The following PPP2R3A variants were observed in gnomAD, a reference collection of about 807,000 sequenced individuals.
PPP2R3A encodes protein phosphatase 2 regulatory subunit B''alpha.
Under a neutral mutation model 106.9 loss-of-function variants are expected in PPP2R3A, and 80 were observed. The ratio of observed to expected loss-of-function variants is 0.75; its 90% CI spans 0.62 to 0.90. The LOEUF is 0.90. Among genes scored for constraint, PPP2R3A ranks in the 40% least tolerant of loss-of-function variants. The pLI is 0.00. For synonymous variants in PPP2R3A, 483 were observed against 468.3 expected (o/e 1.03, Z -0.41); for missense variants, 1,386 against 1,350.4 (o/e 1.03, Z -0.41).
intron 7 of PPP2R3A, among the ~76,000 whole-genome samples, chr3:136,081,138 G>A (rs985295695): frequency 3.3e-5 from 5 of 151,444 alleles, no homozygotes; most frequent in Admixed American, 1.3e-4. Context: ...GATTACAGGC[G>A]CCTGCCACCA....
At chr3:136,043,202 G>T (rs137915731) in intron 4 of PPP2R3A, among the ~76,000 whole-genome samples, 3,551 of 152,152 alleles carry the variant, frequency 0.023, 155 homozygotes, top group African/African-American at 0.079. Context: ...GCTCACGCCT[G>T]TAATCCCAGC....
intron 13 of PPP2R3A, among the ~76,000 whole-genome samples, chr3:136,111,259 A>G (rs1471432494): frequency 6.6e-6 from 1 of 152,198 alleles, no homozygotes; most frequent in Non-Finnish European, 1.5e-5. Context: ...TATGGTTCTT[A>G]TTTGTATAAG....
At chr3:136,055,910 C>G in intron 5 of PPP2R3A, 2 of 381,258 alleles carry the variant, frequency 5.2e-6, no homozygotes, top group Non-Finnish European at 9.4e-6. Flanking sequence ...GTAGGCTATG[C>G]ATAGTGATTT....
intron 6 of PPP2R3A, among the ~76,000 whole-genome samples, chr3:136,077,660 C>T (rs1033971241): frequency 1.3e-5 from 2 of 152,152 alleles, no homozygotes; most frequent in Admixed American, 1.3e-4. Flanking sequence ...TCCAGGATTG[C>T]AGCTTCCATC....
At chr3:136,089,434 G>T (rs900090500) in intron 9 of PPP2R3A, among the ~76,000 whole-genome samples, 3 of 151,896 alleles carry the variant, frequency 2.0e-5, no homozygotes. Context: ...CTGCTCCATT[G>T]GTCTGTGTGT....
At chr3:136,006,620 G>A (rs189291584) in intron 2 of PPP2R3A, among the ~76,000 whole-genome samples, 23 of 152,274 alleles carry the variant, frequency 1.5e-4, no homozygotes, top group Admixed American at 4.6e-4. Context: ...ATGGACTGAA[G>A]TTTGTCAACC....
Position 136,001,813 on chromosome 3 carries a change from T to G in PPP2R3A, c.315T>G (p.Asn105Lys). Residue 105 changes from asparagine to lysine, a missense_variant, in exon 2 of 14, where the codon AAT (asparagine) becomes AAG (lysine). Physicochemically the swap from Asn to Lys is moderately conservative, Grantham distance 94. Coordinates refer to ENST00000264977, the MANE Select transcript of PPP2R3A (RefSeq NM_002718.5). ...PRVKRGSTFQ[N>K]TYNLKDIAGE... ...TCAAGAGAGGATCTACATTTCAGAA[T>G]ACCTACAACTTAAAGGATATTGCAG... 1.2e-6 allele frequency: 2 copies of G among 1,614,166 alleles called. No homozygotes were observed. Among genetic ancestry groups the G allele is most frequent in the Non-Finnish European group, 1.7e-6 (2 of 1,180,012 alleles).
intron 1 of PPP2R3A, among the ~76,000 whole-genome samples, chr3:135,974,215 T>TAAAAGTA (rs1385523787): frequency 5.6e-4 from 86 of 152,356 alleles, no homozygotes; most frequent in Non-Finnish European, 4.9e-4. Flanking sequence ...AGTTGGAGCA[T>TAAAAGTA]TACATGGCTC....
At chr3:135,971,796 A>G (rs547580146) in intron 1 of PPP2R3A, among the ~76,000 whole-genome samples, 1 of 152,326 alleles carries the variant, frequency 6.6e-6, no homozygotes, top group African/African-American at 2.4e-5. Flanking sequence ...GAATTCCATC[A>G]TCACAAATAT....
At chr3:136,119,412 C>T (rs1937906020) in intron 13 of PPP2R3A, among the ~76,000 whole-genome samples, 1 of 152,118 alleles carries the variant, frequency 6.6e-6, no homozygotes, top group South Asian at 2.1e-4. Context: ...GCAAAAGAAA[C>T]TATGAGAGTG....
At chr3:135,985,678 G>A (rs1026256786) in intron 1 of PPP2R3A, among the ~76,000 whole-genome samples, 4 of 152,170 alleles carry the variant, frequency 2.6e-5, no homozygotes, top group African/African-American at 7.2e-5. Context: ...ATCTCCAGAT[G>A]TATGGTTATT....
At position 136,131,404 on chromosome 3, in the gene PPP2R3A, A is replaced by G. The variant is rs563107973; in HGVS notation, c.3330-13639A>G. 3.0e-4 allele frequency among the ~76,000 whole-genome samples: 45 copies of G among 152,382 alleles called. 1 individual carries two copies. The East Asian group carries it at 6.5e-3, about 22-fold the overall frequency. ...AGACACCTATGCAGCCAACAGACAC[A>G]TGAAAAAATGCTCATCATCACTGGT... On this transcript the variant is annotated intron_variant, in intron 13 of 13. Coordinates refer to ENST00000264977, the MANE Select transcript of PPP2R3A (RefSeq NM_002718.5).
Position 135,992,969 on chromosome 3 carries a change from G to A in PPP2R3A, c.-440-8090G>A, listed in dbSNP as rs527506861. Among the ~76,000 whole-genome samples the A allele has an allele frequency of 5.3e-5, 8 of 152,252 alleles. No individual in the cohort carries two copies. The South Asian group carries it at 1.7e-3, about 32-fold the overall frequency. On this transcript the variant is annotated intron_variant, in intron 1 of 13. Coordinates refer to ENST00000264977, the MANE Select transcript of PPP2R3A (RefSeq NM_002718.5). ...AAATATGTCCCAGGAGTCAAGTGAGGGAAGTGTTTCATTCTTTTCAACTAT... is the reference window on the plus strand; with the variant it reads ...AAATATGTCCCAGGAGTCAAGTGAGAGAAGTGTTTCATTCTTTTCAACTAT...
chr3:136,117,960 C>A (rs947472630), intron 13 of PPP2R3A, among the ~76,000 whole-genome samples: 8 of 152,144 alleles, frequency 5.3e-5, no homozygotes, highest in Non-Finnish European at 8.8e-5. Context: ...TGATGAACAT[C>A]GATGCGAAAA....
At chr3:136,103,477 G>GGTAACATTT in intron 12 of PPP2R3A, 101 bp downstream of exon 12, 1 of 794,026 alleles carries the variant, frequency 1.3e-6, no homozygotes, top group Admixed American at 2.7e-5. Flanking sequence ...TCGGTAAAGA[G>GGTAACATTT]GTAACATTTG....
chr3:136,008,791 A>G (rs1381723174), intron 2 of PPP2R3A, among the ~76,000 whole-genome samples: 2 of 152,072 alleles, frequency 1.3e-5, no homozygotes, highest in Non-Finnish European at 2.9e-5. Flanking sequence ...CACCCTTGGC[A>G]GGAGTGAAGA....
chr3:136,118,539 C>CA (rs1475896042), intron 13 of PPP2R3A, among the ~76,000 whole-genome samples: 1 of 152,206 alleles, frequency 6.6e-6, no homozygotes, highest in Admixed American at 6.5e-5. Flanking sequence ...TCTCAGGATA[C>CA]AAAATCAGTG....
chr3:136,085,090 G>A (rs996291759), intron 8 of PPP2R3A, among the ~76,000 whole-genome samples: 2 of 152,156 alleles, frequency 1.3e-5, no homozygotes, highest in African/African-American at 4.8e-5. Flanking sequence ...TGAGATATGG[G>A]AGGAGCCATG....
At chr3:136,084,336 G>A (rs572349686) in intron 8 of PPP2R3A, among the ~76,000 whole-genome samples, 63 of 152,324 alleles carry the variant, frequency 4.1e-4, no homozygotes, top group Non-Finnish European at 5.9e-4. Context: ...CCTTGGTGGC[G>A]TCCACGTGGT....
Sources: gnomAD v4.1 joint callset for allele counts (sites outside exome capture counted in the v4.1 genomes callset) on GRCh38, gnomAD v4.1.1 for gene constraint, MANE v1.5 for transcripts, NCBI Gene and HGNC (gene_info 2026-07-23, HGNC 2026-07-21) for gene names.